Variants in MOB1B observed in about 807,000 individuals in gnomAD.
MOB1B encodes MOB kinase activator 1B.
A neutral mutation model predicts 24.4 loss-of-function variants in MOB1B; 19 were observed. The observed-to-expected ratio is 0.78, with a 90% confidence interval of 0.54 to 1.14. MOB1B has a LOEUF of 1.14. Among genes scored for constraint, MOB1B ranks in the 50% most tolerant of loss-of-function variants. The pLI is 0.00. For missense variants in MOB1B, 243 were observed against 259.6 expected, an observed-to-expected ratio of 0.94 and a Z score of 0.44; for synonymous variants, 76 against 82.1, an observed-to-expected ratio of 0.93 and a Z score of 0.40.
At chr4:70,943,660 A>G (rs1171452788) in intron 1 of MOB1B, among the ~76,000 whole-genome samples, 1 of 152,234 alleles carries the variant, frequency 6.6e-6, no homozygotes, top group African/African-American at 2.4e-5. Context: ...CCATGGTAAT[A>G]GAAGAGACAG....
At chr4:70,958,818 CTA>C in intron 1 of MOB1B, 54 bp from the exon 2 acceptor site, 1 of 1,441,882 alleles carries the variant, frequency 6.9e-7, no homozygotes, top group African/African-American at 1.4e-5. Context: ...GTGAATGACT[CTA>C]TTGAATGTCA....
intron 4 of MOB1B, chr4:70,976,137 A>T: frequency 1.2e-6 from 1 of 844,480 alleles, no homozygotes; most frequent in Non-Finnish European, 1.4e-6. Flanking sequence ...CCTGACCTCA[A>T]GTGATCTACC....
At chr4:70,909,496 C>A (rs1453252364) in intron 1 of MOB1B, among the ~76,000 whole-genome samples, 3 of 152,030 alleles carry the variant, frequency 2.0e-5, no homozygotes, top group African/African-American at 7.3e-5. Flanking sequence ...GAGCAAGACC[C>A]TGCCTCTAAA....
At chr4:70,938,334 C>CAA (rs71211984) in intron 1 of MOB1B, among the ~76,000 whole-genome samples, 87 of 6,268 alleles carry the variant, frequency 0.014, 3 homozygotes, top group East Asian at 0.031. Flanking sequence ...CCCCCCCCCC[C>CAA]AAAAAAAAAA....
chr4:70,978,420 T>G (rs1739084178), intron 4 of MOB1B, among the ~76,000 whole-genome samples: 1 of 152,204 alleles, frequency 6.6e-6, no homozygotes, highest in South Asian at 2.1e-4. Flanking sequence ...ACTGGGTTAT[T>G]TCATTTCCTT....
chr4:70,909,122 T>A (rs1052807829), intron 1 of MOB1B, among the ~76,000 whole-genome samples: 6 of 152,016 alleles, frequency 3.9e-5, no homozygotes, highest in Non-Finnish European at 8.8e-5. Context: ...TCTGTCTCTG[T>A]TTCTCTCTAG....
chr4:70,921,790 A>G (rs1309970064), intron 1 of MOB1B, among the ~76,000 whole-genome samples: 2 of 152,118 alleles, frequency 1.3e-5, no homozygotes, highest in African/African-American at 4.8e-5. Context: ...TACAGGCGTG[A>G]GCCACCGTGC....
At chr4:70,952,635 G>A (rs1174813174) in intron 1 of MOB1B, among the ~76,000 whole-genome samples, 5 of 123,460 alleles carry the variant, frequency 4.0e-5, no homozygotes, top group Non-Finnish European at 7.9e-5. Flanking sequence ...AGAGCGAGAC[G>A]CCGTCTCAAA....
At chr4:70,945,748 A>G (rs1027965760) in intron 1 of MOB1B, among the ~76,000 whole-genome samples, 3 of 152,210 alleles carry the variant, frequency 2.0e-5, no homozygotes, top group Non-Finnish European at 4.4e-5. Context: ...ATAAACAATG[A>G]TAGTATCCTG....
Position 70,987,047 on chromosome 4 carries a change from A to C in MOB1B, c.*4990A>C, listed in dbSNP as rs1056111045. The C allele has an allele frequency of 1.3e-5, 2 of 152,176 alleles. No homozygotes were observed. Among genetic ancestry groups the C allele is most frequent in the African/African-American group, 4.8e-5 (2 of 41,458 alleles). 9.4% of individuals were successfully genotyped at this position (152,176 alleles called of 1,614,324 possible). A position where few individuals can be genotyped will look rare whatever the true frequency, so the allele number is the denominator to read the frequency against. The stretch of plus-strand genomic sequence containing the variant: ...ATAGTTCTCAAAGGTAGATAGTAAA[A>C]TCACTGGCTTTTTCCAGCTGTATGT... On this transcript the variant is annotated 3_prime_UTR_variant, in exon 6 of 6. Transcript: ENST00000309395.
chr4:70,975,831 GT>G (rs1658775363), intron 4 of MOB1B: 2 of 895,806 alleles, frequency 2.2e-6, no homozygotes, highest in Non-Finnish European at 2.7e-6. Flanking sequence ...GGTGTTCTAT[GT>G]TTTTCATACC....
chr4:70,977,049 C>T (rs1002858027), intron 4 of MOB1B, among the ~76,000 whole-genome samples: 4 of 151,826 alleles, frequency 2.6e-5, no homozygotes, highest in Admixed American at 2.0e-4. Context: ...GAGTAAGTTG[C>T]GTATATGATG....
chr4:70,964,221 G>GA (rs1384905015), intron 2 of MOB1B, among the ~76,000 whole-genome samples: 1 of 152,074 alleles, frequency 6.6e-6, no homozygotes, highest in Non-Finnish European at 1.5e-5. Flanking sequence ...AAGTGCAGAA[G>GA]AAAAAATTGG....
At chr4:70,928,191 G>C (rs1255875463) in intron 1 of MOB1B, among the ~76,000 whole-genome samples, 2 of 152,088 alleles carry the variant, frequency 1.3e-5, no homozygotes, top group Non-Finnish European at 2.9e-5. Flanking sequence ...TCTCTTTGAA[G>C]ATGGGGCATT....
At chr4:70,969,803 G>T in intron 2 of MOB1B, 128 bp from the exon 3 acceptor site, 1 of 494,030 alleles carries the variant, frequency 2.0e-6, no homozygotes. Flanking sequence ...TGATACTTCT[G>T]TGTATGGTTT....
rs1736914539 is a variant in MOB1B at position 70,932,194 on chromosome 4, G to T, written c.15-26680G>T. On this transcript the variant is annotated intron_variant, in intron 1 of 5. Transcript: ENST00000309395. Reference sequence around the variant, plus strand: ...TTGAATATCGATTGTATGCCAAGTGGTGCTCTATATTTCTATATATATAAT... The same window carrying T: ...TTGAATATCGATTGTATGCCAAGTGTTGCTCTATATTTCTATATATATAAT... 3.3e-5 allele frequency among the ~76,000 whole-genome samples: 5 copies of T among 152,046 alleles called. No individual in the cohort carries two copies. The South Asian group carries it at 1.0e-3, about 32-fold the overall frequency.
At chr4:70,981,610 A>G (rs905155761) in intron 5 of MOB1B, among the ~76,000 whole-genome samples, 4 of 152,152 alleles carry the variant, frequency 2.6e-5, no homozygotes, top group Admixed American at 1.3e-4. Flanking sequence ...GTGTGTGTCT[A>G]TGTCTACTTG....
intron 1 of MOB1B, among the ~76,000 whole-genome samples, chr4:70,924,347 C>A (rs1736567866): frequency 6.6e-6 from 1 of 152,190 alleles, no homozygotes; most frequent in Non-Finnish European, 1.5e-5. Flanking sequence ...CAGACCAATT[C>A]ACAGCAATAT....
chr4:70,976,350 A>T, intron 4 of MOB1B: 1 of 985,182 alleles, frequency 1.0e-6, no homozygotes, highest in Non-Finnish European at 1.2e-6. Flanking sequence ...TATATTTGTG[A>T]TCAAAAGGGA....
Sources: allele counts gnomAD v4.1 joint callset (sites outside exome capture counted in the v4.1 genomes callset), GRCh38; gene constraint gnomAD v4.1.1; transcripts MANE v1.5; gene names NCBI Gene and HGNC (gene_info 2026-07-23, HGNC 2026-07-21).